The following GCGR variants were observed in gnomAD, a reference collection of about 807,000 sequenced individuals.
GCGR encodes glucagon receptor.
A neutral mutation model predicts 56.1 loss-of-function variants in GCGR; 41 were observed. The observed-to-expected ratio is 0.73, with a 90% CI of 0.57 to 0.95. GCGR has a LOEUF of 0.95. Ranked by LOEUF, GCGR falls within the 40% of genes least tolerant of loss-of-function variation. The pLI is 0.00. For synonymous variants in GCGR, 278 were observed against 271.1 expected (o/e 1.03, Z -0.25); for missense variants, 595 against 638.2 (o/e 0.93, Z 0.73).
chr17:81,811,727 A>G lies in GCGR; in HGVS notation c.734A>G (p.Glu245Gly). ...GCCAACTACTGCTGGCTGCTGGTGG[A>G]GGGCCTGTACCTGCACAACCTGCTG... Reference protein sequence around the residue: ...IVANYCWLLVEGLYLHNLLGL... With the variant: ...IVANYCWLLVGGLYLHNLLGL... The change falls in exon 8 of 14, where the codon GAG (glutamate) becomes GGG (glycine). Residue 245 changes from glutamate (E) to glycine (G), a missense_variant. Transcript: ENST00000400723. This position sits in a 1 kb window ranked among gnomAD's most constrained non-coding sequence, Gnocchi z 5.8. The G allele has an allele frequency of 6.5e-7, 1 of 1,544,402 alleles. No individual in the cohort carries two copies. Among genetic ancestry groups the G allele is most frequent in the East Asian group, 2.4e-5 (1 of 41,392 alleles).
chr17:81,812,115 G>C lies in GCGR; in HGVS notation c.879-68G>C. On this transcript the variant is annotated intron_variant, in intron 9 of 13. Coordinates refer to ENST00000400723, the MANE Select transcript of GCGR (RefSeq NM_000160.5). This position sits in a 1 kb window ranked among gnomAD's most constrained non-coding sequence, Gnocchi z 8.5. Reference sequence around the variant, plus strand: ...CCGAATTAGATCCTGGCAAAATCGGGACGGGGGTGCTGAGGGGCGGAGGGG... The same window carrying C: ...CCGAATTAGATCCTGGCAAAATCGGCACGGGGGTGCTGAGGGGCGGAGGGG... 6.6e-7 allele frequency: 1 copy of C among 1,525,212 alleles called. No homozygotes were observed. Among genetic ancestry groups the C allele is most frequent in the East Asian group, 2.5e-5 (1 of 40,746 alleles). The allele number at this position is 1,525,212 out of a possible 1,614,324, so 94.5% of individuals were successfully genotyped here. A position where few individuals can be genotyped will look rare whatever the true frequency, so the allele number is the denominator to read the frequency against.
At chr17:81,807,923 G>A (rs976874034) in intron 1 of GCGR, among the ~76,000 whole-genome samples, 2 of 152,212 alleles carry the variant, frequency 1.3e-5, no homozygotes, top group African/African-American at 4.8e-5. Flanking sequence ...CACCACGGGG[G>A]ATGTCCTCCC....
At position 81,811,082 on chromosome 17, in the gene GCGR, G is replaced by A. The variant is rs1235960477; in HGVS notation, c.344G>A (p.Trp115Ter). Residue 115 changes from tryptophan to a stop codon, truncating the protein, a stop_gained, in exon 5 of 14, where the codon TGG becomes TAG. Coordinates refer to ENST00000400723, the MANE Select transcript of GCGR (RefSeq NM_000160.5). LOFTEE classifies it high-confidence loss of function. This position sits in a 1 kb window ranked among gnomAD's most constrained non-coding sequence, Gnocchi z 5.8. ...GTGCGTGGACCCCGGGGGCAGCCTTGGCGTGATGCCTCCCAGTGCCAGATG... is the reference window on the plus strand; with the variant it reads ...GTGCGTGGACCCCGGGGGCAGCCTTAGCGTGATGCCTCCCAGTGCCAGATG... ...QWVRGPRGQP[W>*]RDASQCQMDG... 1 of 1,536,206 alleles carries A rather than the reference G, an allele frequency of 6.5e-7. No homozygotes were observed. The highest frequency in any genetic ancestry group is 1.2e-5 in the South Asian group (1 of 84,066).
intron 1 of GCGR, among the ~76,000 whole-genome samples, chr17:81,808,268 G>A (rs1277067079): frequency 6.6e-6 from 1 of 152,234 alleles, no homozygotes; most frequent in East Asian, 1.9e-4. Flanking sequence ...AGCCTGGCAA[G>A]CCAGCTTTCC....
At chr17:81,808,512 C>T (rs2038007148) in intron 1 of GCGR, among the ~76,000 whole-genome samples, 1 of 151,362 alleles carries the variant, frequency 6.6e-6, no homozygotes, top group Non-Finnish European at 1.5e-5. Context: ...CCTCCTATCG[C>T]CCTCTTTTTT....
At position 81,812,611 on chromosome 17, in the gene GCGR, T is replaced by A. The variant is rs1310958309; in HGVS notation, c.983T>A (p.Leu328Gln). The stretch of plus-strand genomic sequence containing the variant: ...TTCATCTTCGTCCGCATCGTTCAGC[T>A]GCTCGTGGCCAAGCTGCGGGCACGG... ...NFFIFVRIVQLLVAKLRARQM... is the reference protein window; with the variant it reads ...NFFIFVRIVQQLVAKLRARQM... The change falls in exon 11 of 14, where the codon CTG (leucine) becomes CAG (glutamine). Residue 328 changes from leucine to glutamine, a missense_variant. Physicochemically the swap from Leu to Gln is moderately radical, Grantham distance 113 (BLOSUM62 -2). Transcript: ENST00000400723. This position sits in a 1 kb window ranked among gnomAD's most constrained non-coding sequence, Gnocchi z 8.5. 1 of 1,536,548 alleles carries A rather than the reference T, an allele frequency of 6.5e-7. No homozygotes were observed. The highest frequency in any genetic ancestry group is 8.7e-7 in the Non-Finnish European group (1 of 1,146,788).
chr17:81,812,355 G>A lies in GCGR; in HGVS notation c.948+103G>A. The A allele has an allele frequency of 3.7e-6, 5 of 1,345,362 alleles. No individual in the cohort carries two copies. In the South Asian group the frequency reaches 3.8e-5, roughly 10 times the overall value. 83.3% of individuals were successfully genotyped at this position (1,345,362 alleles called of 1,614,324 possible). A position where few individuals can be genotyped will look rare whatever the true frequency, so the allele number is the denominator to read the frequency against. ...GCATCCTGTCTGAGAGCGCTGGGAG[G>A]GAGCCGGCACCCAGACAGGACACCA... On this transcript the variant is annotated intron_variant, in intron 10 of 13. Coordinates refer to ENST00000400723, the MANE Select transcript of GCGR (RefSeq NM_000160.5). This position sits in a 1 kb window ranked among gnomAD's most constrained non-coding sequence, Gnocchi z 8.5.
Position 81,812,776 on chromosome 17 carries a change from G to A in GCGR, c.1038-31G>A, listed in dbSNP as rs779359030. 2.0e-6 allele frequency: 3 copies of A among 1,535,050 alleles called. No individual in the cohort carries two copies. Among genetic ancestry groups the A allele is most frequent in the Non-Finnish European group, 2.6e-6 (3 of 1,146,522 alleles). ...TGGATGGTGCGGGCCGAGGGTGGGGGCGGTGGGTGACTCAGGCGCTGCCTC... is the reference window on the plus strand; with the variant it reads ...TGGATGGTGCGGGCCGAGGGTGGGGACGGTGGGTGACTCAGGCGCTGCCTC... On this transcript the variant is annotated intron_variant, in intron 11 of 13. Coordinates refer to ENST00000400723, the MANE Select transcript of GCGR (RefSeq NM_000160.5). This position sits in a 1 kb window ranked among gnomAD's most constrained non-coding sequence, Gnocchi z 8.5.
At chr17:81,807,865 G>A (rs185260119) in intron 1 of GCGR, among the ~76,000 whole-genome samples, 121 of 152,356 alleles carry the variant, frequency 7.9e-4, no homozygotes, top group African/African-American at 2.7e-3. Flanking sequence ...CTCAGATGCT[G>A]GCTGTGGCAT....
Position 81,809,017 on chromosome 17 carries a change from G to T in GCGR, c.-2G>T. On this transcript the variant is annotated 5_prime_UTR_variant, in exon 2 of 14. Coordinates refer to ENST00000400723, the MANE Select transcript of GCGR (RefSeq NM_000160.5). ...GTGGGAGGCAGCTAGCTGCCCAGAG[G>T]CATGCCCCCCTGCCAGCCACAGCGA... 6.5e-7 allele frequency: 1 copy of T among 1,535,988 alleles called. No individual in the cohort carries two copies. Among genetic ancestry groups the T allele is most frequent in the East Asian group, 2.4e-5 (1 of 40,914 alleles).
rs947813160 is a variant in GCGR, at chr17:81,812,875, C to T, written c.1106C>T (p.Thr369Met). Reference protein sequence around the residue: ...GVHEVVFAFVTDEHAQGTLRS... With the variant: ...GVHEVVFAFVMDEHAQGTLRS... ...CACGAAGTGGTCTTCGCCTTCGTGA[C>T]GGACGAGCACGCCCAGGGCACCCTG... Residue 369 changes from threonine to methionine, a missense_variant, in exon 12 of 14, where the codon ACG (threonine) becomes ATG (methionine). Thr to Met is a moderately conservative substitution (Grantham distance 81). Coordinates refer to ENST00000400723, the MANE Select transcript of GCGR (RefSeq NM_000160.5). The surrounding 1 kb of genome is among the most constrained non-coding windows in gnomAD (Gnocchi z 8.5). The T allele has an allele frequency of 1.1e-5, 17 of 1,535,970 alleles. No homozygotes were observed. Among genetic ancestry groups the T allele is most frequent in the East Asian group, 2.4e-5 (1 of 40,914 alleles).
chr17:81,805,681 T>C (rs540678291), intron 1 of GCGR, among the ~76,000 whole-genome samples: 1 of 150,788 alleles, frequency 6.6e-6, no homozygotes, highest in East Asian at 2.0e-4. Flanking sequence ...ATTGGGCACC[T>C]CGGGAACCCC....
chr17:81,809,901 G>C lies in GCGR; in HGVS notation c.163+17G>C, dbSNP rs1452735007. ...CTCCCACGGGTGAGCCCCCCACCCA[G>C]AGCCTTTCAGCCTGTGCCTGGCCTC... On this transcript the variant is annotated intron_variant, in intron 3 of 13. Transcript: ENST00000400723. 2 of 1,506,738 alleles carry C rather than the reference G, an allele frequency of 1.3e-6. No homozygotes were observed. Among genetic ancestry groups the C allele is most frequent in the Non-Finnish European group, 1.8e-6 (2 of 1,119,902 alleles). The allele number at this position is 1,506,738 out of a possible 1,614,324, so 93.3% of individuals were successfully genotyped here. A position where few individuals can be genotyped will look rare whatever the true frequency, so the allele number is the denominator to read the frequency against.
At position 81,811,182 on chromosome 17, in the gene GCGR, G is replaced by A. The variant is rs1171263948; in HGVS notation, c.394-40G>A. 16 of 1,535,998 alleles carry A rather than the reference G, an allele frequency of 1.0e-5. No individual in the cohort carries two copies. Among genetic ancestry groups the A allele is most frequent in the Middle Eastern group, 1.7e-4 (1 of 6,010 alleles). On this transcript the variant is annotated intron_variant, in intron 5 of 13. Transcript: ENST00000400723. The surrounding 1 kb of genome is among the most constrained non-coding windows in gnomAD (Gnocchi z 5.8). ...TGGGGCTGGATGGGAACGGGCATGG[G>A]GGCCCCTGCCTGGCCCTCACAGGCC...
chr17:81,808,100 G>A (rs1478906153), intron 1 of GCGR, among the ~76,000 whole-genome samples: 1 of 152,232 alleles, frequency 6.6e-6, no homozygotes, highest in Admixed American at 6.5e-5. Context: ...GCTGGGCAGG[G>A]GGCACACATG....
chr17:81,811,581 C>T lies in GCGR; in HGVS notation c.657+21C>T. 5 of 1,536,154 alleles carry T rather than the reference C, an allele frequency of 3.3e-6. No individual in the cohort carries two copies. Among genetic ancestry groups the T allele is most frequent in the Non-Finnish European group, 2.6e-6 (3 of 1,146,810 alleles). ...ATGGAGTGAGCCCCCCTCGGCGGCC[C>T]CAGGCAGGTGGGTGGGTGGGCAGCC... is the stretch of plus-strand genomic sequence containing the variant. On this transcript the variant is annotated intron_variant, in intron 7 of 13. Transcript: ENST00000400723. This position sits in a 1 kb window ranked among gnomAD's most constrained non-coding sequence, Gnocchi z 5.8.
chr17:81,809,671 C>T, intron 2 of GCGR, 111 bp from the exon 3 acceptor site: 1 of 779,948 alleles, frequency 1.3e-6, no homozygotes, highest in South Asian at 1.6e-5. Context: ...GTCTGCCTGT[C>T]TGTCCATCTG....
In GCGR at chr17:81,811,160, G is replaced by T. The variant is rs1025714053; in HGVS notation, c.393+29G>T. 1 of 1,536,084 alleles carries T rather than the reference G, an allele frequency of 6.5e-7. No homozygotes were observed. The highest frequency in any genetic ancestry group is 1.2e-5 in the South Asian group (1 of 84,064). On this transcript the variant is annotated intron_variant, in intron 5 of 13. Coordinates refer to ENST00000400723, the MANE Select transcript of GCGR (RefSeq NM_000160.5). This position sits in a 1 kb window ranked among gnomAD's most constrained non-coding sequence, Gnocchi z 5.8. The stretch of plus-strand genomic sequence containing the variant: ...AGTGGGCGGCAGGCAGGCGCGGTGG[G>T]GCTGGATGGGAACGGGCATGGGGGC...
chr17:81,813,888 C>T lies in GCGR; in HGVS notation c.*199C>T. On this transcript the variant is annotated 3_prime_UTR_variant, in exon 14 of 14. Transcript: ENST00000400723. This position sits in a 1 kb window ranked among gnomAD's most constrained non-coding sequence, Gnocchi z 5.3. ...GCCTTGTCCCTGGTGCAGAGGTGAG[C>T]AGAGGAGTCCAGGGCGGGAGTGGGG... 2 of 603,270 alleles carry T rather than the reference C, an allele frequency of 3.3e-6. No homozygotes were observed. Among genetic ancestry groups the T allele is most frequent in the Non-Finnish European group, 5.9e-6 (2 of 341,326 alleles). 37.4% of individuals were successfully genotyped at this position (603,270 alleles called of 1,614,324 possible). A position where few individuals can be genotyped will look rare whatever the true frequency, so the allele number is the denominator to read the frequency against.
Sources: gnomAD v4.1 joint callset for allele counts (sites outside exome capture counted in the v4.1 genomes callset) on GRCh38, gnomAD v4.1.1 for gene constraint, Gnocchi (gnomAD v3.1) non-coding constraint, MANE v1.5 for transcripts, NCBI Gene and HGNC (gene_info 2026-07-23, HGNC 2026-07-21) for gene names.